Variants in MPP1 observed in about 807,000 individuals in gnomAD.
MPP1 encodes the protein 55 kDa erythrocyte membrane protein.
Under a neutral mutation model 38.2 loss-of-function variants are expected in MPP1, and 6 were observed. The observed-to-expected ratio is 0.16, with a 90% confidence interval of 0.09 to 0.31. MPP1 has a LOEUF of 0.31. Ranked by LOEUF, MPP1 falls within the 10% of genes least tolerant of loss-of-function variation. The pLI, the probability that MPP1 is intolerant of heterozygous loss-of-function variation, is 1.00. For synonymous variants in MPP1, 153 were observed against 146.3 expected (o/e 1.05, Z -0.33); for missense variants, 293 against 368.9 (o/e 0.79, Z 1.69).
intron 5 of MPP1, among the ~76,000 whole-genome samples, chrX:154,789,079 T>G (rs184149582): frequency 9.7e-4 from 109 of 112,044 alleles, no homozygotes; most frequent in African/African-American, 2.9e-3. Context: ...GTACTCAGTT[T>G]GTGAAAATTC....
intron 5 of MPP1, 121 bp downstream of exon 5, chrX:154,789,833 C>A: frequency 2.1e-6 from 1 of 476,859 alleles, no homozygotes; most frequent in East Asian, 3.9e-5. Context: ...CAGCTACACA[C>A]TTGCGAGATA....
intron 11 of MPP1, 67 bp downstream of exon 11, chrX:154,781,172 G>T: frequency 1.0e-6 from 1 of 982,874 alleles, no homozygotes; most frequent in Non-Finnish European, 1.4e-6. Flanking sequence ...CAATGACCTG[G>T]ACTGAGGTCC....
chrX:154,803,839 T>C (rs1258857450), intron 1 of MPP1, among the ~76,000 whole-genome samples: 1 of 112,367 alleles, frequency 8.9e-6, no homozygotes, highest in African/African-American at 3.2e-5. Flanking sequence ...CAATAAGACT[T>C]CCAGAAATAA....
At chrX:154,801,015 C>G (rs2072255545) in intron 1 of MPP1, among the ~76,000 whole-genome samples, 1 of 112,545 alleles carries the variant, frequency 8.9e-6, no homozygotes, top group African/African-American at 3.2e-5. Flanking sequence ...GTCACTTCCC[C>G]TACCCCAGCC....
At chrX:154,799,013 T>C (rs898298614) in intron 1 of MPP1, among the ~76,000 whole-genome samples, 2 of 111,899 alleles carry the variant, frequency 1.8e-5, no homozygotes, top group African/African-American at 6.5e-5. Context: ...GGATTACAGG[T>C]GTGAGCCACC....
intron 9 of MPP1, 200 bp downstream of exon 9, chrX:154,783,227 C>G: frequency 4.4e-6 from 1 of 228,307 alleles, no homozygotes. Flanking sequence ...ACAAACAGCA[C>G]GAATAACAAT....
At chrX:154,783,043 G>A (rs1415064725) in intron 9 of MPP1, 1 of 113,029 alleles carries the variant, frequency 8.8e-6, no homozygotes, top group African/African-American at 3.2e-5. Context: ...CCATGAAAAT[G>A]AGAGGCAGCC....
chrX:154,790,941 G>A lies in MPP1; in HGVS notation c.411+42C>T, dbSNP rs1557267661. 2.7e-6 allele frequency: 3 copies of A among 1,124,105 alleles called. No homozygotes were observed. In the East Asian group the frequency reaches 9.0e-5, roughly 34 times the overall value. 92.6% of individuals were successfully genotyped at this position (1,124,105 alleles called of 1,213,427 possible). On this transcript the variant is annotated intron_variant, in intron 4 of 11. Transcript: ENST00000369534. ...GATACCAATGTGGATCAACACTTAT[G>A]GAGACAATGGAAGGTCTTCATCTAG...
intron 1 of MPP1, among the ~76,000 whole-genome samples, chrX:154,792,818 G>T (rs930526759): frequency 9.0e-6 from 1 of 111,022 alleles, no homozygotes; most frequent in Non-Finnish European, 1.9e-5. Context: ...AGGCTACAAA[G>T]AACTTCTACC....
chrX:154,779,008 C>G lies in MPP1; in HGVS notation c.*169G>C. 6.1e-6 allele frequency: 3 copies of G among 489,765 alleles called. No homozygotes were observed. Among genetic ancestry groups the G allele is most frequent in the Non-Finnish European group, 6.5e-6 (2 of 306,379 alleles). The allele number at this position is 489,765 out of a possible 1,213,427, so 40.4% of individuals were successfully genotyped here. On this transcript the variant is annotated 3_prime_UTR_variant, in exon 12 of 12. Coordinates refer to ENST00000369534, the MANE Select transcript of MPP1 (RefSeq NM_002436.4). ...CCATCTATCAGGAGAATCAACCCTT[C>G]AGGAGCCTGAGCAAGAAGACTGAAC...
At chrX:154,789,881 A>G (rs1319225518) in intron 5 of MPP1, 73 bp downstream of exon 5, 1 of 773,270 alleles carries the variant, frequency 1.3e-6, no homozygotes. Context: ...CCTTATAATC[A>G]AATTTCAAAG....
chrX:154,801,793 A>AC (rs2072269737), intron 1 of MPP1, among the ~76,000 whole-genome samples: 2 of 95,229 alleles, frequency 2.1e-5, no homozygotes, highest in Non-Finnish European at 4.2e-5. Context: ...AAAACAAAAA[A>AC]CAGAAAAAAG....
Position 154,784,980 on chromosome X carries a change from G to A in MPP1, c.784+71C>T, listed in dbSNP as rs150372648. The A allele has an allele frequency of 1.4e-3, 1,408 of 988,082 alleles. 10 individuals carry two copies. In the African/African-American group the frequency reaches 0.023, roughly 16 times the overall value. The allele number at this position is 988,082 out of a possible 1,213,427, so 81.4% of individuals were successfully genotyped here. On this transcript the variant is annotated intron_variant, in intron 7 of 11. Coordinates refer to ENST00000369534, the MANE Select transcript of MPP1 (RefSeq NM_002436.4). The stretch of plus-strand genomic sequence containing the variant: ...CGCACTGCACCACCTCCCCTTTTCT[G>A]CTGGTTACAGAGACTGGGAAACACG...
At chrX:154,789,400 A>T (rs1448807610) in intron 5 of MPP1, among the ~76,000 whole-genome samples, 1 of 111,822 alleles carries the variant, frequency 8.9e-6, no homozygotes, top group Non-Finnish European at 1.9e-5. Context: ...ATAAGTGCTC[A>T]ACAGATTCTA....
chrX:154,791,251 C>G, intron 3 of MPP1, 183 bp from the exon 4 acceptor site: 1 of 434,475 alleles, frequency 2.3e-6, no homozygotes, highest in Non-Finnish European at 4.0e-6. Context: ...TCCTCCTTGG[C>G]CTCAGTAGTC....
Position 154,805,338 on chromosome X carries a change from G to A in MPP1, c.36C>T (p.Gly12=). 8.3e-7 allele frequency: 1 copy of A among 1,206,802 alleles called. No individual in the cohort carries two copies. The highest frequency in any genetic ancestry group is 1.1e-6 in the Non-Finnish European group (1 of 892,715). ...GGTCGGAGAGCGCCGTGTGCATGCT[G>A]CCCCCACTCTCGCCCTCGCTCGCCT... ...TLKASEGESG[G]SMHTALSDLY... Residue 12 remains glycine, a synonymous_variant, in exon 1 of 12, where the codon GGC becomes GGT. Coordinates refer to ENST00000369534, the MANE Select transcript of MPP1 (RefSeq NM_002436.4).
chrX:154,779,410 C>T (rs781987660), intron 11 of MPP1, 57 bp from the exon 12 acceptor site: 4 of 1,083,073 alleles, frequency 3.7e-6, no homozygotes, highest in Non-Finnish European at 5.0e-6. Flanking sequence ...CCCAGAGAGG[C>T]CAGTGACAGA....
chrX:154,785,207 T>TCC (rs782040849), intron 6 of MPP1, 50 bp from the exon 7 acceptor site: 3 of 683,014 alleles, frequency 4.4e-6, no homozygotes, highest in South Asian at 2.8e-5. Context: ...CCTCCCCTCA[T>TCC]ACCCCCCCCA....
Position 154,779,923 on chromosome X carries a change from T to C in MPP1, c.1225-570A>G, listed in dbSNP as rs1475905241. Among the ~76,000 whole-genome samples the C allele has an allele frequency of 2.7e-5, 3 of 112,961 alleles. No individual in the cohort carries two copies. The Admixed American group carries it at 2.8e-4, about 10-fold the overall frequency. On this transcript the variant is annotated intron_variant, in intron 11 of 11. Transcript: ENST00000369534. ...TAGTAGAGACAGGGTTTTGCCATGT[T>C]GGCCAGGCTGGTCTGGAACTTTAGA...
Sources: allele counts gnomAD v4.1 joint callset (sites outside exome capture counted in the v4.1 genomes callset), GRCh38; gene constraint gnomAD v4.1.1; transcripts MANE v1.5; gene names NCBI Gene and HGNC (gene_info 2026-07-23, HGNC 2026-07-21).